The following TPRG1 variants were observed in gnomAD, a reference collection of about 807,000 sequenced individuals.
The protein encoded by TPRG1 is tumor protein p63 regulated 1.
In TPRG1, 29 loss-of-function variants were observed where a neutral mutation model predicts 29.3. That is an observed-to-expected ratio of 0.99 (90% CI 0.74 to 1.35). The LOEUF is 1.35. Ranked by LOEUF, TPRG1 falls within the 40% of genes most tolerant of loss-of-function variation. The probability of loss-of-function intolerance (pLI) is 0.00; values close to 1 mark genes in which losing one functional copy is unlikely to be tolerated. For missense variants in TPRG1, 327 were observed against 335.0 expected (o/e 0.98, Z 0.19); for synonymous variants, 130 against 116.8 (o/e 1.11, Z -0.73).
intron 4 of TPRG1, among the ~76,000 whole-genome samples, chr3:189,256,300 A>G (rs1031651593): frequency 4.6e-5 from 7 of 152,158 alleles, no homozygotes; most frequent in Non-Finnish European, 7.4e-5. Context: ...CAGATTGTTC[A>G]GTTTCCATGT....
At chr3:189,002,435 A>G (rs710500) in intron 2 of TPRG1, among the ~76,000 whole-genome samples, 148,960 of 152,258 alleles carry the variant, frequency 0.98, 72,948 homozygotes, top group East Asian at 1. Context: ...GATGCCATAG[A>G]CATCAGAGAG....
intron 5 of TPRG1, among the ~76,000 whole-genome samples, chr3:189,315,875 T>C (rs1029002928): frequency 1.3e-5 from 2 of 152,144 alleles, no homozygotes; most frequent in African/African-American, 4.8e-5. Context: ...TAATTTAAAG[T>C]ACTAAGATTG....
chr3:189,097,940 T>C (rs1329612604), upstream of TPRG1, among the ~76,000 whole-genome samples: 1 of 152,246 alleles, frequency 6.6e-6, no homozygotes, highest in Admixed American at 6.5e-5. Flanking sequence ...ATCTTTTCTT[T>C]ACCAAGAGTA....
At chr3:189,294,335 A>G (rs991231185) in intron 4 of TPRG1, among the ~76,000 whole-genome samples, 1 of 152,214 alleles carries the variant, frequency 6.6e-6, no homozygotes, top group African/African-American at 2.4e-5. Flanking sequence ...CTTGGAGCCA[A>G]TTCCAAATTA....
intron 4 of TPRG1, among the ~76,000 whole-genome samples, chr3:189,034,816 T>A (rs113612631): frequency 0.027 from 4,180 of 152,274 alleles, 171 homozygotes; most frequent in African/African-American, 0.095. Flanking sequence ...AAACATTCCA[T>A]GCTCATTTAT....
chr3:189,216,973 G>A (rs947450873), intron 3 of TPRG1, among the ~76,000 whole-genome samples: 14 of 152,072 alleles, frequency 9.2e-5, no homozygotes, highest in African/African-American at 3.1e-4. Flanking sequence ...ACACAAATGC[G>A]GTATTTCTAA....
intron 3 of TPRG1, among the ~76,000 whole-genome samples, chr3:189,021,641 C>T (rs1172640720): frequency 6.6e-6 from 1 of 152,142 alleles, no homozygotes; most frequent in Non-Finnish European, 1.5e-5. Flanking sequence ...GTAACCTGAC[C>T]TTTCTCTCTG....
At position 189,238,751 on chromosome 3, in the gene TPRG1, T is replaced by A. The variant is rs750221719; in HGVS notation, c.321T>A (p.Asn107Lys). The A allele has an allele frequency of 6.2e-7, 1 of 1,611,052 alleles. No homozygotes were observed. ...WLLTKIDHWN[N>K]EKERILLVTD... ...CCTATAGGATAGACCACTGGAACAA[T>A]GAGAAGGAGAGAATTCTACTGGTCA... The change falls in exon 4 of 6, where the codon AAT becomes AAA. Residue 107 changes from asparagine to lysine, a missense_variant. Physicochemically the swap from Asn to Lys is moderately conservative, Grantham distance 94 (BLOSUM62 0). Coordinates refer to ENST00000345063, the MANE Select transcript of TPRG1 (RefSeq NM_198485.4).
At chr3:189,258,561 C>T (rs1373452167) in intron 4 of TPRG1, among the ~76,000 whole-genome samples, 1 of 152,184 alleles carries the variant, frequency 6.6e-6, no homozygotes, top group Non-Finnish European at 1.5e-5. Flanking sequence ...CTCGTCAGAG[C>T]TGGCAGGCAG....
chr3:189,141,507 T>C (rs1724557429), intron 3 of TPRG1, among the ~76,000 whole-genome samples: 1 of 152,100 alleles, frequency 6.6e-6, no homozygotes. Flanking sequence ...ATATGCCAAG[T>C]GCAGGATGCT....
intron 5 of TPRG1, among the ~76,000 whole-genome samples, chr3:189,166,107 A>G (rs1037893177): frequency 6.6e-6 from 1 of 152,234 alleles, no homozygotes; most frequent in Non-Finnish European, 1.5e-5. Flanking sequence ...CCAGACCCTC[A>G]ATAACATGGC....
At chr3:189,063,628 G>A (rs1716256505) in intron 4 of TPRG1, among the ~76,000 whole-genome samples, 1 of 151,888 alleles carries the variant, frequency 6.6e-6, no homozygotes, top group African/African-American at 2.4e-5. Flanking sequence ...CTCAAAATAT[G>A]TGGGAATTAA....
intron 4 of TPRG1, among the ~76,000 whole-genome samples, chr3:189,256,594 T>C: frequency 6.6e-6 from 1 of 152,166 alleles, no homozygotes; most frequent in Non-Finnish European, 1.5e-5. Flanking sequence ...TGTCTAATAT[T>C]GACAGTGGGG....
At position 189,054,706 on chromosome 3, in the gene TPRG1, C is replaced by T. The variant is rs1370485300; in HGVS notation, c.-463+30760C>T. On this transcript the variant is annotated intron_variant, in intron 4 of 10. Coordinates refer to the TPRG1 transcript ENST00000433971. ...GCTGAGTGAGAGGATCACTTGAGCC[C>T]AGGGTAGAGGTTATGGTGAGCTATG... Among the ~76,000 whole-genome samples the T allele has an allele frequency of 8.0e-4, 122 of 151,770 alleles. 2 individuals carry two copies. Among genetic ancestry groups the T allele is most frequent in the Non-Finnish European group, 1.5e-4 (10 of 67,960 alleles).
intron 4 of TPRG1, among the ~76,000 whole-genome samples, chr3:189,294,725 T>C (rs1719593599): frequency 6.6e-6 from 1 of 152,190 alleles, no homozygotes; most frequent in Non-Finnish European, 1.5e-5. Flanking sequence ...TTCTATAATA[T>C]TTGAAGACAA....
chr3:189,100,114 G>C (rs189281688), upstream of TPRG1: 1 of 152,348 alleles, frequency 6.6e-6, no homozygotes, highest in African/African-American at 2.4e-5. Context: ...GTTCAGGCCC[G>C]ATAAGCAGGC....
chr3:189,191,219 A>T (rs1012258371), intron 1 of TPRG1, among the ~76,000 whole-genome samples: 3 of 152,200 alleles, frequency 2.0e-5, no homozygotes, highest in African/African-American at 7.2e-5. Flanking sequence ...TTTGTGACAG[A>T]TGTTATCGTT....
chr3:189,210,234 A>G (rs900633916), intron 2 of TPRG1, among the ~76,000 whole-genome samples: 2 of 152,202 alleles, frequency 1.3e-5, no homozygotes, highest in African/African-American at 4.8e-5. Flanking sequence ...AACTTTGTAA[A>G]AGTTCTTAGT....
At chr3:189,096,122 A>G (rs1718660704), upstream of TPRG1, among the ~76,000 whole-genome samples, 1 of 152,230 alleles carries the variant, frequency 6.6e-6, no homozygotes, top group Non-Finnish European at 1.5e-5. Flanking sequence ...CACCAGTTGT[A>G]TAGGAGGCTT....
Sources: allele counts gnomAD v4.1 joint callset (sites outside exome capture counted in the v4.1 genomes callset), GRCh38; gene constraint gnomAD v4.1.1; transcripts MANE v1.5; gene names NCBI Gene and HGNC (gene_info 2026-07-23, HGNC 2026-07-21).